The following DYNC2I1 variants were observed in gnomAD, a reference collection of about 807,000 sequenced individuals.
The protein encoded by DYNC2I1 is dynein 2 intermediate chain 1.
Under a neutral mutation model 133.4 loss-of-function variants are expected in DYNC2I1, and 89 were observed. The observed-to-expected ratio is 0.67, with a 90% CI of 0.56 to 0.80. DYNC2I1 has a LOEUF of 0.80. Ranked by LOEUF, DYNC2I1 falls within the 30% of genes least tolerant of loss-of-function variation. The probability of loss-of-function intolerance (pLI) is 0.00; values close to 1 mark genes in which losing one functional copy is unlikely to be tolerated. For synonymous variants in DYNC2I1, 504 were observed against 484.3 expected, an observed-to-expected ratio of 1.04 and a Z score of -0.54; for missense variants, 1,291 against 1,314.5, an observed-to-expected ratio of 0.98 and a Z score of 0.28.
At chr7:158,856,009 T>G (rs57061325), upstream of DYNC2I1, among the ~76,000 whole-genome samples, 9,363 of 147,862 alleles carry the variant, frequency 0.063, 385 homozygotes, top group African/African-American at 0.11. Flanking sequence ...TGGCGTGATC[T>G]CCGCTCACTG....
In DYNC2I1 at chr7:158,920,083, G is replaced by A. The variant is rs189706890; in HGVS notation, c.1921+1214G>A. Among the ~76,000 whole-genome samples, 56 of 150,288 alleles carry A rather than the reference G, an allele frequency of 3.7e-4. 1 individual carries two copies. The East Asian group carries it at 0.011, about 28-fold the overall frequency. On this transcript the variant is annotated intron_variant, in intron 15 of 24. Coordinates refer to ENST00000407559, the MANE Select transcript of DYNC2I1 (RefSeq NM_018051.5). ...GTGAAGTGTGTGTGTGTATGGCAGC[G>A]CCGGGCCTCCGTCGGGGAACACGTG...
At chr7:158,923,521 A>G (rs778552862) in intron 16 of DYNC2I1, 50 bp from the exon 17 acceptor site, 2 of 1,613,624 alleles carry the variant, frequency 1.2e-6, no homozygotes, top group Non-Finnish European at 1.7e-6. Flanking sequence ...TTGTGTTAGC[A>G]TGCTTCTCAT....
chr7:158,946,526 C>T (rs1414098647), downstream of DYNC2I1, among the ~76,000 whole-genome samples: 2 of 152,248 alleles, frequency 1.3e-5, no homozygotes, highest in Non-Finnish European at 2.9e-5. Flanking sequence ...ATGGCTGTGC[C>T]CTCGCACAGT....
intron 8 of DYNC2I1, among the ~76,000 whole-genome samples, chr7:158,897,077 G>C (rs1041683679): frequency 6.7e-6 from 1 of 150,204 alleles, no homozygotes; most frequent in Non-Finnish European, 1.5e-5. Flanking sequence ...TCCACCTCCT[G>C]GGTTCAAGCA....
At chr7:158,875,545 G>A (rs1843276639) in intron 3 of DYNC2I1, among the ~76,000 whole-genome samples, 1 of 152,170 alleles carries the variant, frequency 6.6e-6, no homozygotes, top group South Asian at 2.1e-4. Context: ...TTTCCTTGTT[G>A]GATGATGCTT....
At chr7:158,905,036 C>A in intron 10 of DYNC2I1, 2 of 368,352 alleles carry the variant, frequency 5.4e-6, no homozygotes, top group Non-Finnish European at 1.0e-5. Flanking sequence ...TAAGTATGTA[C>A]AAGAAGCCAC....
chr7:158,940,254 C>T, intron 23 of DYNC2I1, among the ~76,000 whole-genome samples: 1 of 152,110 alleles, frequency 6.6e-6, no homozygotes, highest in African/African-American at 2.4e-5. Context: ...GATCATCAGG[C>T]ATTAGATTCT....
At chr7:158,848,912 G>C in the DYNC2I1 span, among the ~76,000 whole-genome samples, 1 of 141,192 alleles carries the variant, frequency 7.1e-6, no homozygotes, top group Non-Finnish European at 1.5e-5. Context: ...AACAGAGTGA[G>C]ACTCCGTTTC....
At chr7:158,874,241 T>G (rs1209409199) in intron 3 of DYNC2I1, among the ~76,000 whole-genome samples, 4 of 149,364 alleles carry the variant, frequency 2.7e-5, no homozygotes, top group Non-Finnish European at 5.9e-5. Context: ...GGACTCTCAC[T>G]CTGTTCCCCA....
chr7:158,856,402 G>C (rs1841227405), upstream of DYNC2I1, among the ~76,000 whole-genome samples: 1 of 152,234 alleles, frequency 6.6e-6, no homozygotes. Flanking sequence ...ACCAACGACC[G>C]CTCGGTCCTC....
At chr7:158,857,021 C>G (rs907597698) in intron 1 of DYNC2I1, among the ~76,000 whole-genome samples, 2 of 152,068 alleles carry the variant, frequency 1.3e-5, no homozygotes, top group African/African-American at 4.8e-5. Context: ...CGCGGCCCGT[C>G]TCCTCGCGCC....
intron 19 of DYNC2I1, 81 bp from the exon 20 acceptor site, chr7:158,926,911 C>T: frequency 9.4e-7 from 1 of 1,060,148 alleles, no homozygotes; most frequent in Non-Finnish European, 1.4e-6. Context: ...AGCACTCCAT[C>T]TTAATTAGAG....
At position 158,945,629 on chromosome 7, in the gene DYNC2I1, C is replaced by T. The variant is rs1319639743; in HGVS notation, c.3051C>T (p.Ser1017=). 6.2e-7 allele frequency: 1 copy of T among 1,611,270 alleles called. No individual in the cohort carries two copies. Among genetic ancestry groups the T allele is most frequent in the Non-Finnish European group, 8.5e-7 (1 of 1,178,954 alleles). ...AVGEPEKAGG[S]FLALVLARAS... ...GTGAGCCTGAGAAGGCTGGTGGCAG[C>T]TTCCTGGCCCTGGTGCTGGCCAGGG... Residue 1017 remains serine (S), a synonymous_variant, in exon 25 of 25, where the codon AGC becomes AGT. Transcript: ENST00000407559. This position sits in a 1 kb window ranked among gnomAD's most constrained non-coding sequence, Gnocchi z 4.1.
At chr7:158,954,103 A>C (rs1045147143) in intron 4 of DYNC2I1, among the ~76,000 whole-genome samples, 4 of 152,058 alleles carry the variant, frequency 2.6e-5, no homozygotes, top group Non-Finnish European at 5.9e-5. Context: ...TGGTTTTATT[A>C]AGGGCGGTTC....
chr7:158,931,503 G>A (rs1021959738), intron 21 of DYNC2I1, among the ~76,000 whole-genome samples: 21 of 152,188 alleles, frequency 1.4e-4, no homozygotes, highest in Non-Finnish European at 2.6e-4. Context: ...GCAAGCCCCT[G>A]ACCCCTCCAG....
chr7:158,867,211 G>A (rs1030501520), intron 1 of DYNC2I1, among the ~76,000 whole-genome samples: 6 of 152,132 alleles, frequency 3.9e-5, no homozygotes, highest in Non-Finnish European at 8.8e-5. Flanking sequence ...GGGTTGTAGG[G>A]TTGTGGGGTT....
chr7:158,863,706 G>C (rs1198174369), intron 1 of DYNC2I1, among the ~76,000 whole-genome samples: 9 of 97,428 alleles, frequency 9.2e-5, no homozygotes, highest in Non-Finnish European at 1.1e-4. Context: ...TGGTGTGTGT[G>C]GGGGGGGCGG....
downstream of DYNC2I1, among the ~76,000 whole-genome samples, chr7:158,948,224 C>T (rs1001931394): frequency 6.6e-6 from 1 of 152,186 alleles, no homozygotes; most frequent in Non-Finnish European, 1.5e-5. Context: ...GTGCGGGAGG[C>T]GGTTCCTTCC....
intron 14 of DYNC2I1, among the ~76,000 whole-genome samples, chr7:158,917,345 C>T (rs1293885783): frequency 1.3e-5 from 2 of 151,178 alleles, no homozygotes; most frequent in South Asian, 2.1e-4. Context: ...CCACACTCCA[C>T]CCTCCACCTC....
Sources: allele counts gnomAD v4.1 joint callset (sites outside exome capture counted in the v4.1 genomes callset), GRCh38; gene constraint gnomAD v4.1.1; non-coding constraint Gnocchi (gnomAD v3.1); transcripts MANE v1.5; gene names NCBI Gene and HGNC (gene_info 2026-07-23, HGNC 2026-07-21).